EBF3: variants seen among roughly 807,000 people sequenced by gnomAD.
EBF3 encodes transcription factor COE3.
In EBF3, 18 loss-of-function variants were observed where a neutral mutation model predicts 77.1. The observed-to-expected ratio is 0.23, with a 90% CI of 0.16 to 0.35. The LOEUF (loss-of-function observed/expected upper bound fraction) is 0.35, where lower values mean the gene tolerates loss of function less well. Among genes scored for constraint, EBF3 ranks in the 10% least tolerant of loss-of-function variants. The probability of loss-of-function intolerance (pLI) is 1.00; values close to 1 mark genes in which losing one functional copy is unlikely to be tolerated. For synonymous variants in EBF3, 350 were observed against 343.5 expected (o/e 1.02, Z -0.21); for missense variants, 558 against 860.0 (o/e 0.65, Z 4.39).
chr10:129,841,125 A>G lies in EBF3; in HGVS notation c.1373-93T>C. 6 of 1,486,994 alleles carry G rather than the reference A, an allele frequency of 4.0e-6. No homozygotes were observed. Among genetic ancestry groups the G allele is most frequent in the Non-Finnish European group, 4.5e-6 (5 of 1,104,822 alleles). 92.1% of individuals were successfully genotyped at this position (1,486,994 alleles called of 1,614,324 possible). ...CCGAGAATCTATATCATATATTAAC[A>G]TTGCTAATTGACCCTGTGCTTTCCA... On this transcript the variant is annotated intron_variant, in intron 13 of 16. Coordinates refer to ENST00000440978, the MANE Select transcript of EBF3 (RefSeq NM_001375380.1). The surrounding 1 kb of genome is among the most constrained non-coding windows in gnomAD (Gnocchi z 4.6).
At chr10:129,933,691 C>T (rs1857176773) in intron 6 of EBF3, among the ~76,000 whole-genome samples, 1 of 152,210 alleles carries the variant, frequency 6.6e-6, no homozygotes, top group Non-Finnish European at 1.5e-5. Context: ...ACTCGATGTC[C>T]TCTATTCCTT....
intron 6 of EBF3, among the ~76,000 whole-genome samples, chr10:129,931,652 T>C (rs1400471132): frequency 6.6e-6 from 1 of 152,264 alleles, no homozygotes; most frequent in Non-Finnish European, 1.5e-5. Context: ...AGGCCAACAA[T>C]CAGAAGTATG....
chr10:129,942,115 C>T (rs946013496), intron 6 of EBF3, among the ~76,000 whole-genome samples: 1 of 152,226 alleles, frequency 6.6e-6, no homozygotes, highest in African/African-American at 2.4e-5. Flanking sequence ...CCAGGCCTCT[C>T]TCAGCATGGA....
chr10:129,887,056 G>A (rs1853643752), intron 6 of EBF3, among the ~76,000 whole-genome samples: 1 of 91,774 alleles, frequency 1.1e-5, no homozygotes, highest in Non-Finnish European at 2.3e-5. Flanking sequence ...GTTGTGGGCG[G>A]GGGGGGGGGG....
chr10:129,894,934 GT>G (rs942409132), intron 6 of EBF3, among the ~76,000 whole-genome samples: 5 of 152,224 alleles, frequency 3.3e-5, no homozygotes, highest in African/African-American at 9.6e-5. Flanking sequence ...GCAGATGTGG[GT>G]GAGTCCCTGG....
intron 6 of EBF3, among the ~76,000 whole-genome samples, chr10:129,942,649 C>G (rs1166582983): frequency 6.6e-6 from 1 of 152,192 alleles, no homozygotes; most frequent in Non-Finnish European, 1.5e-5. Flanking sequence ...CAGAGATGGC[C>G]TCTCTGCTCT....
chr10:129,934,632 T>G (rs1172263737), intron 6 of EBF3, among the ~76,000 whole-genome samples: 1 of 152,058 alleles, frequency 6.6e-6, no homozygotes, highest in African/African-American at 2.4e-5. Flanking sequence ...CTAAGTTCAC[T>G]CCCCCTCATT....
At chr10:129,907,988 C>G (rs1413616242) in intron 6 of EBF3, among the ~76,000 whole-genome samples, 1 of 152,192 alleles carries the variant, frequency 6.6e-6, no homozygotes, top group Non-Finnish European at 1.5e-5. Context: ...GCCGGGACCC[C>G]ACTGAGCCAT....
rs866268260 is a variant in EBF3, at chr10:129,847,216, C to T, written c.1128+1176G>A. On this transcript the variant is annotated intron_variant, in intron 11 of 16. Coordinates refer to ENST00000440978, the MANE Select transcript of EBF3 (RefSeq NM_001375380.1). Reference sequence around the variant, plus strand: ...GGGCCACCCAGCCTCAAACCCAGTGCTTCCATGGGCCTGCCAAGGCATGTG... The same window carrying T: ...GGGCCACCCAGCCTCAAACCCAGTGTTTCCATGGGCCTGCCAAGGCATGTG... Among the ~76,000 whole-genome samples, 8 of 152,196 alleles carry T rather than the reference C, an allele frequency of 5.3e-5. No homozygotes were observed. In the South Asian group the frequency reaches 8.3e-4, roughly 16 times the overall value.
Position 129,835,446 on chromosome 10 carries a change from G to A in EBF3, c.*2497C>T, listed in dbSNP as rs1849564255. On this transcript the variant is annotated 3_prime_UTR_variant, in exon 17 of 17. Coordinates refer to ENST00000440978, the MANE Select transcript of EBF3 (RefSeq NM_001375380.1). Reference sequence around the variant, plus strand: ...GTGCTCAGTCTTGAGACAGTGAAGTGATGTGGGCATTGACTACTTAACCTA... The same window carrying A: ...GTGCTCAGTCTTGAGACAGTGAAGTAATGTGGGCATTGACTACTTAACCTA... 6.6e-6 allele frequency: 1 copy of A among 152,268 alleles called. No homozygotes were observed. The highest frequency in any genetic ancestry group is 1.5e-5 in the Non-Finnish European group (1 of 68,050). 9.4% of individuals were successfully genotyped at this position (152,268 alleles called of 1,614,324 possible). A position where few individuals can be genotyped will look rare whatever the true frequency, so the allele number is the denominator to read the frequency against.
rs909862788 is a variant in EBF3 at position 129,841,093 on chromosome 10, G to C, written c.1373-61C>G. Reference sequence around the variant, plus strand: ...ATTATCAGCGACAGACACTTGGGGGGGGTTCCCCGAGAATCTATATCATAT... The same window carrying C: ...ATTATCAGCGACAGACACTTGGGGGCGGTTCCCCGAGAATCTATATCATAT... On this transcript the variant is annotated intron_variant, in intron 13 of 16. Transcript: ENST00000440978. This position sits in a 1 kb window ranked among gnomAD's most constrained non-coding sequence, Gnocchi z 4.6. 1 of 1,584,636 alleles carries C rather than the reference G, an allele frequency of 6.3e-7. No homozygotes were observed. Among genetic ancestry groups the C allele is most frequent in the Admixed American group, 1.7e-5 (1 of 58,248 alleles).
At position 129,863,021 on chromosome 10, in the gene EBF3, T is replaced by C. The variant is rs78477054; in HGVS notation, c.1039+4120A>G. Among the ~76,000 whole-genome samples the C allele has an allele frequency of 8.1e-3, 1,232 of 152,366 alleles. 17 individuals are homozygous for C. The highest frequency in any genetic ancestry group is 0.026 in the African/African-American group (1,084 of 41,586). On this transcript the variant is annotated intron_variant, in intron 10 of 16. Transcript: ENST00000440978. This position sits in a 1 kb window ranked among gnomAD's most constrained non-coding sequence, Gnocchi z 4.0. ...CACTCAGTTATTAATTTGCACTATT[T>C]ACTTTTAAATGCAGCAAATATCTCA... is the stretch of plus-strand genomic sequence containing the variant.
At chr10:129,909,725 T>C (rs1327928353) in intron 6 of EBF3, among the ~76,000 whole-genome samples, 1 of 152,200 alleles carries the variant, frequency 6.6e-6, no homozygotes, top group Non-Finnish European at 1.5e-5. Context: ...ACCCCCATGC[T>C]GGCCAGGGAC....
At chr10:129,838,369 T>C (rs4751137) in intron 16 of EBF3, among the ~76,000 whole-genome samples, 126,881 of 152,288 alleles carry the variant, frequency 0.83, 53,043 homozygotes, top group African/African-American at 0.88. Context: ...GTGACGCCAG[T>C]CAAGGCCGGC....
At chr10:129,852,470 G>A (rs747326248) in intron 10 of EBF3, among the ~76,000 whole-genome samples, 11 of 152,288 alleles carry the variant, frequency 7.2e-5, no homozygotes, top group Middle Eastern at 3.4e-3. Flanking sequence ...AATTAGAGAC[G>A]TACCGGCGGG....
chr10:129,948,827 G>A, intron 6 of EBF3, among the ~76,000 whole-genome samples: 1 of 152,202 alleles, frequency 6.6e-6, no homozygotes, highest in Admixed American at 6.5e-5. Flanking sequence ...CCTGCTTCAT[G>A]CCCTGCCCCC....
chr10:129,911,347 T>C (rs1467284527), intron 6 of EBF3, among the ~76,000 whole-genome samples: 3 of 152,178 alleles, frequency 2.0e-5, no homozygotes, highest in Non-Finnish European at 2.9e-5. Context: ...GCCCAAGCCT[T>C]GGCTTAGAGG....
chr10:129,917,074 A>C (rs1465480085), intron 6 of EBF3, among the ~76,000 whole-genome samples: 1 of 152,248 alleles, frequency 6.6e-6, no homozygotes, highest in Non-Finnish European at 1.5e-5. Flanking sequence ...TCATGTATTA[A>C]AAGTGGGACA....
At chr10:129,872,969 C>T (rs1852506531) in intron 8 of EBF3, among the ~76,000 whole-genome samples, 1 of 152,068 alleles carries the variant, frequency 6.6e-6, no homozygotes, top group African/African-American at 2.4e-5. Context: ...GTATTTCACC[C>T]CCTCCTCCTT....
Sources: allele counts gnomAD v4.1 joint callset (sites outside exome capture counted in the v4.1 genomes callset), GRCh38; gene constraint gnomAD v4.1.1; non-coding constraint Gnocchi (gnomAD v3.1); transcripts MANE v1.5; gene names NCBI Gene and HGNC (gene_info 2026-07-23, HGNC 2026-07-21).